The following STAG1 variants were observed in gnomAD, a reference collection of about 807,000 sequenced individuals.
STAG1 encodes the protein STAG1 cohesin complex component, also known as cohesin subunit SA-1.
STAG1 carries 26 observed loss-of-function variants against 170.9 expected under a neutral mutation model. The ratio of observed to expected loss-of-function variants is 0.15; its 90% CI spans 0.11 to 0.21. The LOEUF is 0.21. STAG1 is among the 10% of genes least tolerant of loss of function. The pLI is 1.00. For synonymous variants in STAG1, 514 were observed against 497.7 expected, an observed-to-expected ratio of 1.03 and a Z score of -0.44; for missense variants, 964 against 1,509.5, an observed-to-expected ratio of 0.64 and a Z score of 5.99.
intron 4 of STAG1, among the ~76,000 whole-genome samples, chr3:136,576,215 C>T (rs904115435): frequency 2.6e-5 from 4 of 152,144 alleles, no homozygotes; most frequent in Admixed American, 6.5e-5. Flanking sequence ...GAAACAGTTG[C>T]TTCTGACATC....
rs553087527 is a variant in STAG1 at position 136,645,648 on chromosome 3, G to A, written c.-83-14667C>T. Among the ~76,000 whole-genome samples, 30 of 152,324 alleles carry A rather than the reference G, an allele frequency of 2.0e-4. 1 individual carries two copies. The highest frequency in any genetic ancestry group is 2.0e-4 in the Admixed American group (3 of 15,308). On this transcript the variant is annotated intron_variant, in intron 1 of 33. Transcript: ENST00000383202. ...TATTAAGCTTTATGGGTAAACCCAA[G>A]GTCTTGGACATCTGTTTACAGAAAT...
chr3:136,438,735 A>G (rs776142695), intron 15 of STAG1, among the ~76,000 whole-genome samples: 1 of 152,108 alleles, frequency 6.6e-6, no homozygotes, highest in Non-Finnish European at 1.5e-5. Context: ...ATAACACTAT[A>G]CGCTCAGCAC....
At chr3:136,522,126 G>A (rs575758771) in intron 6 of STAG1, among the ~76,000 whole-genome samples, 1 of 152,316 alleles carries the variant, frequency 6.6e-6, no homozygotes, top group South Asian at 2.1e-4. Context: ...AAATTAACAA[G>A]GTAGGGAATG....
chr3:136,433,327 G>GT (rs1559798531), intron 16 of STAG1, among the ~76,000 whole-genome samples: 1 of 151,568 alleles, frequency 6.6e-6, no homozygotes, highest in Non-Finnish European at 1.5e-5. Flanking sequence ...TATAAAATAC[G>GT]TAAGTACAAT....
At position 136,589,628 on chromosome 3, in the gene STAG1, C is replaced by CAAAAAAAAAAAAA. The variant is rs71626007; in HGVS notation, c.297+14668_297+14680dup. ...CTCCAGCCTGGGCAACAAAGGGAGC[C>CAAAAAAAAAAAAA]AAAAAAAAAAAAAAAAAAAAAGCCA... On this transcript the variant is annotated intron_variant, in intron 4 of 33. Coordinates refer to ENST00000383202, the MANE Select transcript of STAG1 (RefSeq NM_005862.3). 4.3e-5 allele frequency among the ~76,000 whole-genome samples: 2 copies of CAAAAAAAAAAAAA among 46,214 alleles called. 1 individual carries two copies. Among genetic ancestry groups the CAAAAAAAAAAAAA allele is most frequent in the Non-Finnish European group, 9.6e-5 (2 of 20,894 alleles). The allele number at this position is 46,214 out of a possible 152,430, so 30.3% of individuals were successfully genotyped here.
At chr3:136,489,973 A>G (rs2090091532) in intron 9 of STAG1, among the ~76,000 whole-genome samples, 1 of 152,230 alleles carries the variant, frequency 6.6e-6, no homozygotes, top group African/African-American at 2.4e-5. Context: ...GTTGTTTACA[A>G]ATTAAATACA....
intron 5 of STAG1, among the ~76,000 whole-genome samples, chr3:136,552,515 G>T (rs967960417): frequency 6.6e-6 from 1 of 152,126 alleles, no homozygotes; most frequent in African/African-American, 2.4e-5. Flanking sequence ...ATAAATAAAA[G>T]CAGAAATTCA....
At chr3:136,470,878 C>G (rs748446838) in intron 12 of STAG1, among the ~76,000 whole-genome samples, 5 of 151,166 alleles carry the variant, frequency 3.3e-5, no homozygotes, top group Non-Finnish European at 7.4e-5. Flanking sequence ...GAAACTATCA[C>G]AAGGACAAAA....
Position 136,405,911 on chromosome 3 carries a change from A to G in STAG1, c.2197-7082T>C, listed in dbSNP as rs117988399. ...TATCAAGTACCAATGACGATACACA[A>G]TAACTGAAGCTCATACATTGTTAGC... is the stretch of plus-strand genomic sequence containing the variant. On this transcript the variant is annotated intron_variant, in intron 21 of 33. Coordinates refer to ENST00000383202, the MANE Select transcript of STAG1 (RefSeq NM_005862.3). 2.0e-3 allele frequency among the ~76,000 whole-genome samples: 302 copies of G among 152,158 alleles called. 7 individuals are homozygous for G. The East Asian group carries it at 0.048, about 24-fold the overall frequency.
At chr3:136,736,464 G>A (rs941108064) in intron 1 of STAG1, 43 of 1,258,862 alleles carry the variant, frequency 3.4e-5, no homozygotes, top group Middle Eastern at 5.3e-4. Flanking sequence ...ATAGCAGGGG[G>A]AAGGTTCTGT....
chr3:136,361,121 T>C (rs1171825435), intron 26 of STAG1, among the ~76,000 whole-genome samples: 1 of 152,244 alleles, frequency 6.6e-6, no homozygotes, highest in Non-Finnish European at 1.5e-5. Flanking sequence ...CCAAATACCA[T>C]TATTCTCTCC....
At chr3:136,641,302 C>CT (rs983270531) in intron 1 of STAG1, among the ~76,000 whole-genome samples, 16 of 151,894 alleles carry the variant, frequency 1.1e-4, no homozygotes, top group Admixed American at 4.6e-4. Flanking sequence ...CCAGGAAATC[C>CT]TTTTTTTTAA....
chr3:136,491,928 G>A (rs1280591642), intron 9 of STAG1, among the ~76,000 whole-genome samples: 1 of 152,152 alleles, frequency 6.6e-6, no homozygotes, highest in Admixed American at 6.5e-5. Context: ...GGAGGCGGGG[G>A]CTGGAATCAG....
At chr3:136,687,882 G>A (rs575239722) in intron 1 of STAG1, among the ~76,000 whole-genome samples, 2 of 151,898 alleles carry the variant, frequency 1.3e-5, no homozygotes, top group South Asian at 2.1e-4. Context: ...GACTACCAAC[G>A]TCCACCACCA....
intron 4 of STAG1, among the ~76,000 whole-genome samples, chr3:136,598,628 G>A (rs553371531): frequency 1.3e-5 from 2 of 151,340 alleles, no homozygotes; most frequent in Admixed American, 6.6e-5. Flanking sequence ...GGGTTTCACT[G>A]TGTTACCCAG....
At chr3:136,532,270 G>T (rs1393307725) in intron 6 of STAG1, among the ~76,000 whole-genome samples, 1 of 152,070 alleles carries the variant, frequency 6.6e-6, no homozygotes, top group Non-Finnish European at 1.5e-5. Flanking sequence ...TGTTGACTTT[G>T]GTTTGCTAGA....
chr3:136,439,329 G>A (rs1214077048), intron 15 of STAG1, among the ~76,000 whole-genome samples: 1 of 149,652 alleles, frequency 6.7e-6, no homozygotes, highest in African/African-American at 2.5e-5. Context: ...ACAAGAACCA[G>A]ATCCAAACAT....
chr3:136,543,685 C>A (rs1936013689), intron 5 of STAG1, among the ~76,000 whole-genome samples: 1 of 152,150 alleles, frequency 6.6e-6, no homozygotes, highest in South Asian at 2.1e-4. Context: ...GATTTCTAAT[C>A]TTTTAAGTGG....
intron 5 of STAG1, among the ~76,000 whole-genome samples, chr3:136,563,069 T>G (rs182681155): frequency 6.6e-6 from 1 of 152,350 alleles, no homozygotes; most frequent in South Asian, 2.1e-4. Context: ...AAGCACATGA[T>G]AGCAATTAGC....
Sources: allele counts gnomAD v4.1 joint callset (sites outside exome capture counted in the v4.1 genomes callset), GRCh38; gene constraint gnomAD v4.1.1; transcripts MANE v1.5; gene names NCBI Gene and HGNC (gene_info 2026-07-23, HGNC 2026-07-21).